Variants in ATP10A observed in about 807,000 individuals in gnomAD.
ATP10A encodes ATPase phospholipid transporting 10A (putative), also known as phospholipid-transporting ATPase VA.
Under a neutral mutation model 147.8 loss-of-function variants are expected in ATP10A, and 111 were observed. The ratio of observed to expected loss-of-function variants is 0.75; its 90% CI spans 0.64 to 0.88. The LOEUF (loss-of-function observed/expected upper bound fraction) is 0.88. Ranked by LOEUF, ATP10A falls within the 40% of genes least tolerant of loss-of-function variation. The pLI is 0.00. For missense variants in ATP10A, 1,927 were observed against 1,959.0 expected, an observed-to-expected ratio of 0.98 and a Z score of 0.31; for synonymous variants, 875 against 841.6, an observed-to-expected ratio of 1.04 and a Z score of -0.69.
At chr15:25,824,465 C>A (rs1174565454) in intron 1 of ATP10A, among the ~76,000 whole-genome samples, 5 of 108,478 alleles carry the variant, frequency 4.6e-5, no homozygotes, top group Non-Finnish European at 7.8e-5. Context: ...GGGAGCAAGA[C>A]CCTGTCTCAA....
At chr15:25,820,629 A>G (rs1241206755) in intron 1 of ATP10A, among the ~76,000 whole-genome samples, 4 of 152,214 alleles carry the variant, frequency 2.6e-5, no homozygotes, top group African/African-American at 9.7e-5. Context: ...GTGCAAGATA[A>G]TAGCAGTGGT....
chr15:25,695,667 T>C (rs773425265), intron 13 of ATP10A, among the ~76,000 whole-genome samples: 1 of 151,746 alleles, frequency 6.6e-6, no homozygotes, highest in African/African-American at 2.4e-5. Flanking sequence ...TTCTCTAAGA[T>C]CTTACTTGAT....
chr15:25,685,751 G>C (rs1045966385), intron 16 of ATP10A, among the ~76,000 whole-genome samples: 1 of 151,420 alleles, frequency 6.6e-6, no homozygotes, highest in Non-Finnish European at 1.5e-5. Context: ...TTGAGCCTAG[G>C]AGTTTGAGGA....
rs1204650620 is a variant in ATP10A, at chr15:25,724,076, T to C, written c.980-55A>G. On this transcript the variant is annotated intron_variant, in intron 5 of 20. Coordinates refer to ENST00000555815, the MANE Select transcript of ATP10A (RefSeq NM_024490.4). Reference sequence around the variant, plus strand: ...TCATCCAATGGAAAAATAAGAATATTGCTAGCGTATATTAAAGCAAAACTT... The same window carrying C: ...TCATCCAATGGAAAAATAAGAATATCGCTAGCGTATATTAAAGCAAAACTT... The C allele has an allele frequency of 4.2e-6, 6 of 1,434,756 alleles. No homozygotes were observed. The African/African-American group carries it at 7.3e-5, about 17-fold the overall frequency. The allele number at this position is 1,434,756 out of a possible 1,614,324, so 88.9% of individuals were successfully genotyped here.
At chr15:25,713,509 A>G (rs1393769755) in intron 10 of ATP10A, among the ~76,000 whole-genome samples, 165 bp downstream of exon 10, 3 of 152,232 alleles carry the variant, frequency 2.0e-5, no homozygotes, top group Non-Finnish European at 4.4e-5. Flanking sequence ...AAACCCTTCA[A>G]ACAGGCAAAC....
chr15:25,797,615 G>A (rs1890738179), intron 1 of ATP10A, among the ~76,000 whole-genome samples: 2 of 152,188 alleles, frequency 1.3e-5, no homozygotes, highest in African/African-American at 2.4e-5. Context: ...AGGTCTGGAG[G>A]GGGCTCAGTG....
intron 1 of ATP10A, among the ~76,000 whole-genome samples, chr15:25,805,010 T>C (rs1455355238): frequency 6.6e-6 from 1 of 152,226 alleles, no homozygotes; most frequent in African/African-American, 2.4e-5. Flanking sequence ...GGAAAAATTC[T>C]TTTGAAATAA....
chr15:25,759,594 C>T (rs1888642790), intron 2 of ATP10A, among the ~76,000 whole-genome samples: 1 of 151,996 alleles, frequency 6.6e-6, no homozygotes, highest in African/African-American at 2.4e-5. Context: ...TTGCTTGAGA[C>T]CAAGAGTTCG....
At chr15:25,769,849 T>C (rs952882823) in intron 2 of ATP10A, among the ~76,000 whole-genome samples, 1 of 152,188 alleles carries the variant, frequency 6.6e-6, no homozygotes, top group African/African-American at 2.4e-5. Context: ...ACTGTGCCCT[T>C]ATTTGAAGAC....
At chr15:25,860,918 G>C (rs964203270) in intron 1 of ATP10A, among the ~76,000 whole-genome samples, 2 of 152,126 alleles carry the variant, frequency 1.3e-5, no homozygotes, top group Non-Finnish European at 2.9e-5. Flanking sequence ...CAGGAGTTAC[G>C]GGCTCAGTAA....
intron 1 of ATP10A, among the ~76,000 whole-genome samples, chr15:25,835,528 A>G (rs1210333703): frequency 6.6e-6 from 1 of 152,070 alleles, no homozygotes; most frequent in African/African-American, 2.4e-5. Context: ...GTTTTTGCCA[A>G]TTGTCCTGAA....
chr15:25,828,774 C>T (rs1007843764), intron 1 of ATP10A, among the ~76,000 whole-genome samples: 1 of 152,166 alleles, frequency 6.6e-6, no homozygotes, highest in Non-Finnish European at 1.5e-5. Context: ...AGTAAGTGAA[C>T]CATGATATCT....
At chr15:25,680,654 C>T (rs1410037905) in intron 19 of ATP10A, among the ~76,000 whole-genome samples, 156 bp downstream of exon 19, 2 of 152,128 alleles carry the variant, frequency 1.3e-5, no homozygotes, top group African/African-American at 2.4e-5. Flanking sequence ...CCACAGGGCT[C>T]GGGAATGTGT....
intron 2 of ATP10A, among the ~76,000 whole-genome samples, chr15:25,737,772 T>C (rs1887368478): frequency 6.6e-6 from 1 of 152,080 alleles, no homozygotes; most frequent in Admixed American, 6.5e-5. Context: ...GGTAACTAAA[T>C]TAAACTGAGG....
chr15:25,726,969 A>C (rs1272876232), intron 4 of ATP10A, among the ~76,000 whole-genome samples, 191 bp downstream of exon 4: 3 of 150,156 alleles, frequency 2.0e-5, no homozygotes, highest in Non-Finnish European at 4.4e-5. Context: ...AGGCAGGAGA[A>C]TGGCGTGAAC....
chr15:25,712,052 A>T (rs915288857), intron 10 of ATP10A, among the ~76,000 whole-genome samples: 2 of 152,134 alleles, frequency 1.3e-5, no homozygotes, highest in Admixed American at 1.3e-4. Context: ...CTGCCTCTTG[A>T]TAATGCTCTA....
chr15:25,772,507 G>T, intron 2 of ATP10A, among the ~76,000 whole-genome samples: 1 of 152,178 alleles, frequency 6.6e-6, no homozygotes, highest in East Asian at 1.9e-4. Context: ...TTTCCTGTCT[G>T]GTGGTCAAGA....
Position 25,694,852 on chromosome 15 carries a change from G to A in ATP10A, c.3055C>T (p.Arg1019Trp), listed in dbSNP as rs201294665. The A allele has an allele frequency of 2.7e-5, 43 of 1,613,580 alleles. No homozygotes were observed. The highest frequency in any genetic ancestry group is 1.6e-4 in the Middle Eastern group (1 of 6,082). ...AGGGTCATGGCCTTGAGCTTGCTCCGCACCAGCTTCACCACCATGCTCTTC... is the reference window on the plus strand; with the variant it reads ...AGGGTCATGGCCTTGAGCTTGCTCCACACCAGCTTCACCACCATGCTCTTC... Reference protein sequence around the residue: ...LQKSMVVKLVRSKLKAMTLAI... With the variant: ...LQKSMVVKLVWSKLKAMTLAI... Residue 1019 changes from arginine to tryptophan, a missense_variant, in exon 14 of 21, where the codon CGG becomes TGG. Transcript: ENST00000555815.
intron 1 of ATP10A, among the ~76,000 whole-genome samples, chr15:25,850,084 CT>C (rs938227288): frequency 6.6e-6 from 1 of 152,194 alleles, no homozygotes; most frequent in African/African-American, 2.4e-5. Flanking sequence ...TAAGATTACC[CT>C]TTTTGAGAAA....
Sources: allele counts gnomAD v4.1 joint callset (sites outside exome capture counted in the v4.1 genomes callset), GRCh38; gene constraint gnomAD v4.1.1; transcripts MANE v1.5; gene names NCBI Gene and HGNC (gene_info 2026-07-23, HGNC 2026-07-21).